The following TSGA10 variants were observed in gnomAD, a reference collection of about 807,000 sequenced individuals.
TSGA10 encodes the protein testis specific 10, also known as testis-specific gene 10 protein.
A neutral mutation model predicts 96.6 loss-of-function variants in TSGA10; 43 were observed. The observed-to-expected ratio is 0.44, with a 90% CI of 0.35 to 0.57. The LOEUF (loss-of-function observed/expected upper bound fraction) is 0.57. TSGA10 is among the 20% of genes least tolerant of loss of function. The probability of loss-of-function intolerance (pLI) is 0.01; values close to 1 mark genes in which losing one functional copy is unlikely to be tolerated. For synonymous variants in TSGA10, 229 were observed against 269.9 expected (o/e 0.85, Z 1.48); for missense variants, 703 against 834.4 (o/e 0.84, Z 1.94).
chr2:99,001,771 C>A (rs1256338499), intron 20 of TSGA10, among the ~76,000 whole-genome samples: 1 of 152,130 alleles, frequency 6.6e-6, no homozygotes, highest in Non-Finnish European at 1.5e-5. Flanking sequence ...CTAGAATAAA[C>A]AGCATAGAGA....
chr2:99,041,885 A>G (rs554370133), intron 16 of TSGA10, among the ~76,000 whole-genome samples: 1 of 152,244 alleles, frequency 6.6e-6, no homozygotes, highest in South Asian at 2.1e-4. Flanking sequence ...GTAAACAGAC[A>G]GCCCCCAGAG....
At chr2:99,118,178 T>C (rs1252703699) in intron 3 of TSGA10, among the ~76,000 whole-genome samples, 5 of 151,956 alleles carry the variant, frequency 3.3e-5, no homozygotes, top group African/African-American at 4.8e-5. Flanking sequence ...AGGCCAGGCA[T>C]GGTGACTCAC....
chr2:99,123,735 T>C (rs1268437389), intron 2 of TSGA10, among the ~76,000 whole-genome samples: 1 of 152,218 alleles, frequency 6.6e-6, no homozygotes, highest in Admixed American at 6.5e-5. Flanking sequence ...AATCAAGCAT[T>C]ATTTGTCTTC....
chr2:99,085,731 A>G (rs1051501362), intron 10 of TSGA10, among the ~76,000 whole-genome samples: 1 of 149,636 alleles, frequency 6.7e-6, no homozygotes, highest in Non-Finnish European at 1.5e-5. Context: ...GTTACAAATA[A>G]CAGTTATAAG....
At chr2:98,999,187 T>G (rs1318721134) in intron 20 of TSGA10, among the ~76,000 whole-genome samples, 1 of 152,156 alleles carries the variant, frequency 6.6e-6, no homozygotes, top group Non-Finnish European at 1.5e-5. Flanking sequence ...GGAGCCACTG[T>G]GTATGGCCAA....
chr2:99,145,454 G>A (rs565530870), intron 1 of TSGA10, among the ~76,000 whole-genome samples: 1 of 151,948 alleles, frequency 6.6e-6, no homozygotes, highest in African/African-American at 2.4e-5. Flanking sequence ...AGCTACTTGG[G>A]AGCTGAGGCA....
chr2:99,041,923 T>A (rs2082221127), intron 16 of TSGA10, among the ~76,000 whole-genome samples: 1 of 151,580 alleles, frequency 6.6e-6, no homozygotes, highest in African/African-American at 2.4e-5. Context: ...AAATGACGCA[T>A]CCAATAAAAT....
At chr2:99,097,282 G>T (rs928263783) in intron 10 of TSGA10, among the ~76,000 whole-genome samples, 1 of 151,834 alleles carries the variant, frequency 6.6e-6, no homozygotes, top group African/African-American at 2.4e-5. Context: ...AAATTCTAAA[G>T]GATATTTTTT....
At chr2:99,053,286 T>A (rs908877874) in intron 16 of TSGA10, among the ~76,000 whole-genome samples, 6 of 151,962 alleles carry the variant, frequency 3.9e-5, no homozygotes, top group African/African-American at 1.5e-4. Flanking sequence ...AAGACAATGT[T>A]TTCTACAAAT....
intron 10 of TSGA10, among the ~76,000 whole-genome samples, chr2:99,089,644 C>T (rs1307413809): frequency 6.6e-6 from 1 of 152,096 alleles, no homozygotes; most frequent in Non-Finnish European, 1.5e-5. Flanking sequence ...GGCTTTCCCC[C>T]ACTTCCCTAG....
At chr2:99,012,302 T>A (rs1336811359) in intron 20 of TSGA10, among the ~76,000 whole-genome samples, 2 of 152,074 alleles carry the variant, frequency 1.3e-5, no homozygotes, top group East Asian at 3.9e-4. Flanking sequence ...AGGCAACAAC[T>A]AATGTGATGA....
intron 5 of TSGA10, among the ~76,000 whole-genome samples, chr2:99,109,713 G>C (rs1041893829): frequency 3.9e-5 from 6 of 152,198 alleles, no homozygotes; most frequent in Admixed American, 2.0e-4. Context: ...TTTTTAAAAA[G>C]CAGTTAGATA....
At chr2:99,000,933 C>A (rs908554252) in intron 20 of TSGA10, among the ~76,000 whole-genome samples, 1 of 152,186 alleles carries the variant, frequency 6.6e-6, no homozygotes, top group African/African-American at 2.4e-5. Context: ...GGGCATCCAC[C>A]ATTGCTGAGG....
At chr2:99,139,407 A>G (rs973605167) in intron 1 of TSGA10, among the ~76,000 whole-genome samples, 1 of 152,240 alleles carries the variant, frequency 6.6e-6, no homozygotes, top group Non-Finnish European at 1.5e-5. Flanking sequence ...TGTATTCAAC[A>G]AATTATTGAT....
intron 10 of TSGA10, chr2:99,101,936 A>T: frequency 1.0e-5 from 7 of 681,638 alleles, no homozygotes; most frequent in South Asian, 1.8e-5. Flanking sequence ...TCAGTTGTGC[A>T]ACACGAAAAA....
At chr2:99,012,363 A>G (rs1191276370) in intron 20 of TSGA10, among the ~76,000 whole-genome samples, 3 of 152,214 alleles carry the variant, frequency 2.0e-5, no homozygotes, top group African/African-American at 7.2e-5. Flanking sequence ...AAAGAGCCTA[A>G]ATAGTCCACT....
intron 2 of TSGA10, among the ~76,000 whole-genome samples, chr2:99,124,583 T>TTA (rs552085018): frequency 1.6e-4 from 25 of 151,874 alleles, no homozygotes; most frequent in Middle Eastern, 3.4e-3. Flanking sequence ...TACTGTTACA[T>TTA]TATATATATA....
At chr2:99,020,200 T>C in intron 18 of TSGA10, 80 bp downstream of exon 18, 1 of 1,274,838 alleles carries the variant, frequency 7.8e-7, no homozygotes, top group Non-Finnish European at 1.1e-6. Context: ...GCAAATTCTC[T>C]AAATTCTAGC....
chr2:99,105,818 G>A (rs988372877), intron 7 of TSGA10, 121 bp from the exon 8 acceptor site: 1 of 585,784 alleles, frequency 1.7e-6, no homozygotes, highest in Non-Finnish European at 2.8e-6. Context: ...CAGGGTAATG[G>A]TATCGCTTTT....
Sources: allele counts gnomAD v4.1 joint callset (sites outside exome capture counted in the v4.1 genomes callset), GRCh38; gene constraint gnomAD v4.1.1; transcripts MANE v1.5; gene names NCBI Gene and HGNC (gene_info 2026-07-23, HGNC 2026-07-21).